Variants in NMNAT3 observed in about 807,000 individuals in gnomAD.
NMNAT3 encodes the protein nicotinamide nucleotide adenylyltransferase 3, also known as nicotinamide/nicotinic acid mononucleotide adenylyltransferase 3.
Under a neutral mutation model 24.8 loss-of-function variants are expected in NMNAT3, and 21 were observed. That is an observed-to-expected ratio of 0.85 (90% confidence interval 0.60 to 1.22). The LOEUF (loss-of-function observed/expected upper bound fraction) is 1.22, where lower values mean the gene tolerates loss of function less well. Among genes scored for constraint, NMNAT3 ranks in the 50% most tolerant of loss-of-function variants. The pLI, the probability that NMNAT3 is intolerant of heterozygous loss-of-function variation, is 0.00. For synonymous variants in NMNAT3, 136 were observed against 155.2 expected, an observed-to-expected ratio of 0.88 and a Z score of 0.92; for missense variants, 387 against 436.6, an observed-to-expected ratio of 0.89 and a Z score of 1.01.
At chr3:139,628,226 C>A (rs1367020753) in intron 2 of NMNAT3, among the ~76,000 whole-genome samples, 1 of 152,174 alleles carries the variant, frequency 6.6e-6, no homozygotes, top group Admixed American at 6.5e-5. Flanking sequence ...TATTTTGAAA[C>A]AATTTCAGAC....
At chr3:139,620,956 G>T (rs568074093) in intron 3 of NMNAT3, among the ~76,000 whole-genome samples, 128 of 152,184 alleles carry the variant, frequency 8.4e-4, no homozygotes, top group Non-Finnish European at 1.5e-3. Flanking sequence ...GCAATGCTTG[G>T]CTATTTTTTT....
chr3:139,658,754 A>G (rs909068995), intron 1 of NMNAT3, among the ~76,000 whole-genome samples: 2 of 152,226 alleles, frequency 1.3e-5, no homozygotes, highest in African/African-American at 4.8e-5. Context: ...ACCAGAATTC[A>G]GTATTTGTTT....
Position 139,652,355 on chromosome 3 carries a change from T to G in NMNAT3, c.-140-14293A>C, listed in dbSNP as rs377546784. Reference sequence around the variant, plus strand: ...ATAAGCATTTGCACTGACTAATATTTCCAACCATTTAAGGGGCACACATAT... The same window carrying G: ...ATAAGCATTTGCACTGACTAATATTGCCAACCATTTAAGGGGCACACATAT... On this transcript the variant is annotated intron_variant, in intron 1 of 6. Transcript: ENST00000643695. 3.3e-5 allele frequency among the ~76,000 whole-genome samples: 5 copies of G among 152,326 alleles called. No individual in the cohort carries two copies. In the East Asian group the frequency reaches 9.6e-4, roughly 29 times the overall value.
At chr3:139,571,042 G>T (rs560410876) in intron 6 of NMNAT3, 194 of 153,350 alleles carry the variant, frequency 1.3e-3, no homozygotes, top group Middle Eastern at 6.6e-3. Context: ...AACTAACTCG[G>T]CAATGGCGGG....
At chr3:139,622,807 A>G (rs2055856487) in intron 3 of NMNAT3, among the ~76,000 whole-genome samples, 1 of 142,858 alleles carries the variant, frequency 7.0e-6, no homozygotes, top group Non-Finnish European at 1.5e-5. Context: ...TATGATATAT[A>G]TATAAAATGT....
intron 2 of NMNAT3, among the ~76,000 whole-genome samples, chr3:139,631,404 G>T (rs898176017): frequency 2.0e-5 from 3 of 152,088 alleles, no homozygotes; most frequent in Admixed American, 6.6e-5. Flanking sequence ...CAGACACAAG[G>T]CAAGATGCAT....
chr3:139,573,597 C>T lies in NMNAT3; in HGVS notation c.658+1G>A, dbSNP rs755743329. On this transcript the variant is annotated splice_donor_variant, in intron 6 of 6. Coordinates refer to ENST00000643695, the MANE Select transcript of NMNAT3 (RefSeq NM_001320510.2). LOFTEE classifies it high-confidence loss of function. ...CTACAGACAAGAGGATCAGCACCCA[C>T]CTGCAGGGGTCGAGAAGAGTGCCTT... 1.3e-6 allele frequency: 2 copies of T among 1,576,796 alleles called. No individual in the cohort carries two copies. Among genetic ancestry groups the T allele is most frequent in the Admixed American group, 1.8e-5 (1 of 55,586 alleles).
intron 3 of NMNAT3, among the ~76,000 whole-genome samples, chr3:139,613,464 T>C (rs963211969): frequency 5.9e-5 from 9 of 152,152 alleles, no homozygotes; most frequent in African/African-American, 2.2e-4. Context: ...AGGATGGCAA[T>C]CATTAAAAAG....
intron 3 of NMNAT3, among the ~76,000 whole-genome samples, chr3:139,624,887 A>C (rs183037354): frequency 1.3e-5 from 2 of 152,324 alleles, no homozygotes; most frequent in South Asian, 4.2e-4. Context: ...AGTGTTGTTC[A>C]AGTCTTCTAT....
At chr3:139,611,096 T>C (rs545340734) in intron 3 of NMNAT3, among the ~76,000 whole-genome samples, 11 of 152,280 alleles carry the variant, frequency 7.2e-5, no homozygotes, top group Admixed American at 5.9e-4. Context: ...ATCTTTACGA[T>C]GCAATTTAAT....
rs2057533193 is a variant in NMNAT3, at chr3:139,665,061, C to T, written c.-141+12644G>A. Among the ~76,000 whole-genome samples the T allele has an allele frequency of 2.0e-5, 3 of 152,194 alleles. No homozygotes were observed. In the South Asian group the frequency reaches 6.2e-4, roughly 32 times the overall value. ...TGACCACTACCCACACCCTCCTCCA[C>T]AATAAACTCCTGCTGGTGCTATTTT... On this transcript the variant is annotated intron_variant, in intron 1 of 6. Coordinates refer to ENST00000643695, the MANE Select transcript of NMNAT3 (RefSeq NM_001320510.2).
At chr3:139,658,755 G>C (rs2108416400) in intron 1 of NMNAT3, among the ~76,000 whole-genome samples, 1 of 152,244 alleles carries the variant, frequency 6.6e-6, no homozygotes, top group East Asian at 1.9e-4. Flanking sequence ...CCAGAATTCA[G>C]TATTTGTTTA....
chr3:139,587,577 G>C (rs539315066), intron 3 of NMNAT3, among the ~76,000 whole-genome samples: 1 of 152,122 alleles, frequency 6.6e-6, no homozygotes, highest in African/African-American at 2.4e-5. Context: ...AAATGCACTT[G>C]ATTAATAACT....
At chr3:139,671,417 G>T (rs865972843) in intron 1 of NMNAT3, among the ~76,000 whole-genome samples, 3 of 152,302 alleles carry the variant, frequency 2.0e-5, no homozygotes, top group African/African-American at 4.8e-5. Flanking sequence ...AAATAATGGT[G>T]CAGAGAGCAT....
rs2057747386 is a variant in NMNAT3, at chr3:139,671,277, T to G, written c.-141+6428A>C. 3.3e-5 allele frequency among the ~76,000 whole-genome samples: 5 copies of G among 152,292 alleles called. No homozygotes were observed. The South Asian group carries it at 1.0e-3, about 32-fold the overall frequency. ...GTAACCGCATTCTGTTCCCAGAGCA[T>G]GTTAAGGTTTCCCATGTGGCTAATC... On this transcript the variant is annotated intron_variant, in intron 1 of 6. Transcript: ENST00000643695.
Position 139,627,643 on chromosome 3 carries a change from C to A in NMNAT3, c.82G>T (p.Val28Leu), listed in dbSNP as rs757224023. The A allele has an allele frequency of 8.2e-6, 13 of 1,593,554 alleles. No individual in the cohort carries two copies. Among genetic ancestry groups the A allele is most frequent in the Non-Finnish European group, 1.0e-5 (12 of 1,176,974 alleles). ...GTTTGGTGTAGGTGATCTCTGGCCA[C>A]CTCAAACATGCGCAGGTGCATGTTG... The change falls in exon 3 of 7, where the codon GTG becomes TTG. Residue 28 changes from valine to leucine, a missense_variant. Val to Leu is a conservative substitution (Grantham distance 32). Around this residue, in one of 3 missense-constraint regions of NMNAT3, gnomAD observed 51 missense variants for 55.6 expected, o/e 0.92. Transcript: ENST00000643695.
At chr3:139,609,586 T>C (rs2055106300) in intron 3 of NMNAT3, 1 of 118,020 alleles carries the variant, frequency 8.5e-6, no homozygotes, top group Non-Finnish European at 1.9e-5. Context: ...TTGTGTTTTG[T>C]TAAATTTTTA....
intron 1 of NMNAT3, among the ~76,000 whole-genome samples, chr3:139,670,830 C>T (rs1452599001): frequency 6.6e-6 from 1 of 152,184 alleles, no homozygotes; most frequent in African/African-American, 2.4e-5. Flanking sequence ...CAAATTCCTC[C>T]TTCCTCCCAC....
intron 3 of NMNAT3, among the ~76,000 whole-genome samples, chr3:139,619,840 CCTTTCTCCCCCTG>C (rs2055678518): frequency 6.6e-6 from 1 of 152,214 alleles, no homozygotes; most frequent in East Asian, 1.9e-4. Context: ...GGGAATACAT[CCTTTCTCCCCCTG>C]CTAGACTAAG....
Sources: allele counts gnomAD v4.1 joint callset (sites outside exome capture counted in the v4.1 genomes callset), GRCh38; gene constraint gnomAD v4.1.1; regional missense constraint gnomAD v4.1.1; transcripts MANE v1.5; gene names NCBI Gene and HGNC (gene_info 2026-07-23, HGNC 2026-07-21).